NOP56: variants seen among roughly 807,000 people sequenced by gnomAD.
NOP56 encodes the protein nucleolar protein 56.
In NOP56, 31 loss-of-function variants were observed where a neutral mutation model predicts 58.3. That is an observed-to-expected ratio of 0.53 (90% CI 0.40 to 0.72). The LOEUF (loss-of-function observed/expected upper bound fraction) is 0.72, where lower values mean the gene tolerates loss of function less well. Ranked by LOEUF, NOP56 falls within the 30% of genes least tolerant of loss-of-function variation. The pLI is 0.00. For synonymous variants in NOP56, 313 were observed against 282.8 expected (o/e 1.11, Z -1.07); for missense variants, 669 against 739.9 (o/e 0.90, Z 1.11).
rs750390428 is a variant in NOP56, at chr20:2,655,442, G to A, written c.687G>A (p.Glu229=). 1 of 1,614,156 alleles carries A rather than the reference G, an allele frequency of 6.2e-7. No individual in the cohort carries two copies. Among genetic ancestry groups the A allele is most frequent in the Non-Finnish European group, 8.5e-7 (1 of 1,180,010 alleles). The change falls in exon 6 of 12, where the codon GAG becomes GAA. Residue 229 remains glutamate, a synonymous_variant. Transcript: ENST00000329276. ...GGGAACTGAATGAGGACAAGCTGGA[G>A]AAGCTGGAGGAGCTGACAATGGATG... is the stretch of plus-strand genomic sequence containing the variant. The part of the protein sequence containing the change: ...NRRELNEDKL[E]KLEELTMDGA...
intron 2 of NOP56, 49 bp downstream of exon 2, chr20:2,652,980 C>T: frequency 4.7e-6 from 7 of 1,489,420 alleles, no homozygotes; most frequent in Non-Finnish European, 5.5e-6. Context: ...ACCCTCATCG[C>T]GCGGGTCCCA....
In NOP56 at chr20:2,657,135, C is replaced by T. The variant is rs922862787; in HGVS notation, c.1336C>T (p.Arg446Cys). ...GAAGCTGGAGAAACAGGAGAAGAAACGCTTAAAGAAGGAAAAGAAACGGCT... is the reference window on the plus strand; with the variant it reads ...GAAGCTGGAGAAACAGGAGAAGAAATGCTTAAAGAAGGAAAAGAAACGGCT... ...TRKLEKQEKK[R>C]LKKEKKRLAA... Residue 446 changes from arginine to cysteine, a missense_variant, in exon 11 of 12, where the codon CGC (arginine) becomes TGC (cysteine). This residue lies in a region of NOP56 where 209 missense variants were observed against 196.2 expected (regional missense o/e 1.07). Transcript: ENST00000329276. 4.0e-5 allele frequency: 65 copies of T among 1,613,956 alleles called. No homozygotes were observed. Among genetic ancestry groups the T allele is most frequent in the Non-Finnish European group, 5.3e-5 (63 of 1,180,034 alleles).
rs376002145 is a variant in NOP56 at position 2,653,867 on chromosome 20, C to G, written c.208+474C>G. ...ACGGGGTTTCACCATGTTGGCCAGG[C>G]TAGTCTCCATCTCCTGACCTCGTGA... On this transcript the variant is annotated intron_variant, in intron 3 of 11. Coordinates refer to ENST00000329276, the MANE Select transcript of NOP56 (RefSeq NM_006392.4). The G allele has an allele frequency of 6.2e-4, 186 of 299,030 alleles. 1 individual carries two copies. The highest frequency in any genetic ancestry group is 3.7e-3 in the African/African-American group (170 of 46,048). The allele number at this position is 299,030 out of a possible 1,614,324, so 18.5% of individuals were successfully genotyped here.
chr20:2,655,270 C>G (rs758248414), intron 5 of NOP56, 55 bp from the exon 6 acceptor site: 2 of 1,600,844 alleles, frequency 1.2e-6, no homozygotes, highest in Admixed American at 1.7e-5. Flanking sequence ...AAGGCTGTAG[C>G]TCTATGGTTT....
intron 10 of NOP56, 85 bp from the exon 11 acceptor site, chr20:2,656,996 T>C: frequency 2.5e-6 from 4 of 1,613,762 alleles, no homozygotes; most frequent in Non-Finnish European, 2.5e-6. Context: ...AAAACTGATT[T>C]AATGAGCCTG....
In NOP56 at chr20:2,658,207, G is replaced by A. The variant is rs2086855227; in HGVS notation, c.1698G>A (p.Glu566=). 5.6e-6 allele frequency: 9 copies of A among 1,606,142 alleles called. No homozygotes were observed. The highest frequency in any genetic ancestry group is 6.0e-6 in the Non-Finnish European group (7 of 1,176,060). The change falls in exon 12 of 12, where the codon GAG becomes GAA. Residue 566 remains glutamate (E), a synonymous_variant. Coordinates refer to ENST00000329276, the MANE Select transcript of NOP56 (RefSeq NM_006392.4). ...SKKKRKFSKE[E]PVSSGPEEAV... ...AAAAGAGGAAATTCTCCAAAGAGGA[G>A]CCGGTCAGCAGTGGGCCTGAAGAGG...
rs748742038 is a variant in NOP56 at position 2,653,419 on chromosome 20, CAG to C, written c.208+32_208+33del. Reference sequence around the variant, plus strand: ...GTAAGTCGGCCACCGCCAAGTGTCACAGAGAGATGTGGTTCCTTTCGGTATCC... The same window carrying C: ...GTAAGTCGGCCACCGCCAAGTGTCACAGAGATGTGGTTCCTTTCGGTATCC... On this transcript the variant is annotated intron_variant, in intron 3 of 11. Coordinates refer to ENST00000329276, the MANE Select transcript of NOP56 (RefSeq NM_006392.4). The C allele has an allele frequency of 7.0e-6, 11 of 1,577,666 alleles. No homozygotes were observed. The East Asian group carries it at 8.9e-5, about 13-fold the overall frequency.
chr20:2,654,318 C>A, intron 3 of NOP56, 96 bp from the exon 4 acceptor site: 3 of 1,301,220 alleles, frequency 2.3e-6, no homozygotes, highest in Non-Finnish European at 3.3e-6. Context: ...GGTATGCCAT[C>A]CCAGCGTGCT....
In NOP56 at chr20:2,656,801, A is replaced by G; in HGVS notation, c.1187A>G (p.Lys396Arg). Reference protein sequence around the residue: ...SEVPTSVFGEKLREQVEERLS... With the variant: ...SEVPTSVFGERLREQVEERLS... ...GTGCCCACGAGTGTATTCGGGGAGA[A>G]GCTTCGAGAACAAGTTGAAGAGCGA... Residue 396 changes from lysine (K) to arginine (R), a missense_variant, in exon 10 of 12, where the codon AAG (lysine) becomes AGG (arginine). Physicochemically the swap from Lys to Arg is conservative, Grantham distance 26. Coordinates refer to ENST00000329276, the MANE Select transcript of NOP56 (RefSeq NM_006392.4). 1 of 1,614,162 alleles carries G rather than the reference A, an allele frequency of 6.2e-7. No homozygotes were observed. Among genetic ancestry groups the G allele is most frequent in the Non-Finnish European group, 8.5e-7 (1 of 1,180,034 alleles).
In NOP56 at chr20:2,654,762, C is replaced by T; in HGVS notation, c.384C>T (p.His128=). The T allele has an allele frequency of 1.2e-6, 2 of 1,613,946 alleles. No individual in the cohort carries two copies. The highest frequency in any genetic ancestry group is 1.3e-5 in the African/African-American group (1 of 75,042). ...IAEILRGVRL[H]FHNLVKGLTD... ...CCCTCTTCTTAGGAGTTCGTCTGCA[C>T]TTCCACAATCTGGTGAAGGGTCTGA... Residue 128 remains histidine, a synonymous_variant, in exon 5 of 12, where the codon CAC becomes CAT. Transcript: ENST00000329276.
chr20:2,656,353 T>A, intron 8 of NOP56, 48 bp from the exon 9 acceptor site: 1 of 1,612,434 alleles, frequency 6.2e-7, no homozygotes. Context: ...CCTTGGCTAA[T>A]GGGGTTGAAA....
intron 1 of NOP56, 55 bp from the exon 2 acceptor site, chr20:2,652,787 G>A (rs1162954691): frequency 6.4e-7 from 1 of 1,574,210 alleles, no homozygotes; most frequent in Non-Finnish European, 8.6e-7. Flanking sequence ...CCTGGGAACG[G>A]GTTCCGGCAG....
Position 2,652,752 on chromosome 20 carries a change from GGCCTGCGCCTGCGCCTGC to G in NOP56, c.4-83_4-66del, listed in dbSNP as rs566242628. ...CAGACAGGGCCTGGGCCTGGGCCTG[GGCCTGCGCCTGCGCCTGC>G]GCCTGCCCTGGGAACGGGTTCCGGC... On this transcript the variant is annotated intron_variant, in intron 1 of 11. Coordinates refer to ENST00000329276, the MANE Select transcript of NOP56 (RefSeq NM_006392.4). 3.3e-6 allele frequency: 5 copies of G among 1,508,324 alleles called. No homozygotes were observed. The South Asian group carries it at 3.7e-5, about 11-fold the overall frequency. The allele number at this position is 1,508,324 out of a possible 1,614,324, so 93.4% of individuals were successfully genotyped here.
Position 2,655,475 on chromosome 20 carries a change from G to A in NOP56, c.720G>A (p.Lys240=). Residue 240 remains lysine, a synonymous_variant, in exon 6 of 12, where the codon AAG becomes AAA. Coordinates refer to ENST00000329276, the MANE Select transcript of NOP56 (RefSeq NM_006392.4). ...AGGAGCTGACAATGGATGGGGCCAA[G>A]GCTAAGGCTATTCTGGATGCCTCAC... is the stretch of plus-strand genomic sequence containing the variant. ...KLEELTMDGA[K]AKAILDASRS... 6.2e-7 allele frequency: 1 copy of A among 1,614,194 alleles called. No individual in the cohort carries two copies. Among genetic ancestry groups the A allele is most frequent in the African/African-American group, 1.3e-5 (1 of 75,052 alleles).
At position 2,654,142 on chromosome 20, in the gene NOP56, C is replaced by T. The variant is rs1177207979; in HGVS notation, c.209-272C>T. On this transcript the variant is annotated intron_variant, in intron 3 of 11. Coordinates refer to ENST00000329276, the MANE Select transcript of NOP56 (RefSeq NM_006392.4). ...CTACGAAATACTCGAGGGTGTGTTA[C>T]AAGCTATTATTTATTGCCCACTTGT... 2.4e-5 allele frequency: 16 copies of T among 670,682 alleles called. 1 individual carries two copies. Among genetic ancestry groups the T allele is most frequent in the South Asian group, 1.6e-4 (12 of 72,910 alleles). The allele number at this position is 670,682 out of a possible 1,614,324, so 41.5% of individuals were successfully genotyped here. A position where few individuals can be genotyped will look rare whatever the true frequency, so the allele number is the denominator to read the frequency against.
In NOP56 at chr20:2,655,951, C is replaced by T. The variant is rs376660778; in HGVS notation, c.927C>T (p.Ile309=). The change falls in exon 8 of 12, where the codon ATC becomes ATT. Residue 309 remains isoleucine (I), a synonymous_variant. Transcript: ENST00000329276. ...LIGEAVGARL[I]AHAGSLTNLA... is the part of the protein sequence containing the mutation. ...CTCTCCAGGTAGGTGCACGTCTCATCGCACATGCTGGCAGCCTCACCAACC... is the reference window on the plus strand; with the variant it reads ...CTCTCCAGGTAGGTGCACGTCTCATTGCACATGCTGGCAGCCTCACCAACC... 14 of 1,614,076 alleles carry T rather than the reference C, an allele frequency of 8.7e-6. No homozygotes were observed. The highest frequency in any genetic ancestry group is 4.5e-5 in the East Asian group (2 of 44,892).
At chr20:2,653,732 A>C (rs1403712344) in intron 3 of NOP56, 2 of 248,922 alleles carry the variant, frequency 8.0e-6, no homozygotes, top group Non-Finnish European at 1.6e-5. Flanking sequence ...GCTCACTGCA[A>C]CCTCTGCCTC....
At chr20:2,655,145 T>C (rs979264201) in intron 5 of NOP56, 180 bp from the exon 6 acceptor site, 7 of 1,034,120 alleles carry the variant, frequency 6.8e-6, no homozygotes, top group Admixed American at 1.7e-5. Flanking sequence ...CTACCCCATA[T>C]ACACCTCAGC....
intron 11 of NOP56, 160 bp downstream of exon 11, chr20:2,657,378 A>G (rs1186114701): frequency 1.9e-6 from 2 of 1,072,054 alleles, no homozygotes; most frequent in Non-Finnish European, 2.8e-6. Context: ...TATAGGAAGG[A>G]GATAGGTGCT....
Sources: gnomAD v4.1 joint callset for allele counts on GRCh38, gnomAD v4.1.1 for gene constraint, gnomAD v4.1.1 regional missense constraint, MANE v1.5 for transcripts, NCBI Gene and HGNC (gene_info 2026-07-23, HGNC 2026-07-21) for gene names.